Variants in ATXN7 observed in about 807,000 individuals in gnomAD.
The protein encoded by ATXN7 is ataxin 7, also known as ataxin-7.
Under a neutral mutation model 70.5 loss-of-function variants are expected in ATXN7, and 12 were observed. That is an observed-to-expected ratio of 0.17 (90% CI 0.11 to 0.28). The LOEUF is 0.28. ATXN7 is among the 10% of genes least tolerant of loss of function. The pLI is 1.00. For synonymous variants in ATXN7, 498 were observed against 448.7 expected (o/e 1.11, Z -1.39); for missense variants, 1,256 against 1,131.7 (o/e 1.11, Z -1.58).
At chr3:63,863,862 C>T (rs556758123), upstream of ATXN7, 2 of 1,207,876 alleles carry the variant, frequency 1.7e-6, no homozygotes, top group African/African-American at 1.6e-5. Context: ...GGAGGTCAAA[C>T]TCCCACAATG....
chr3:63,979,240 T>C (rs1001850354), intron 5 of ATXN7, among the ~76,000 whole-genome samples: 6 of 152,236 alleles, frequency 3.9e-5, no homozygotes, highest in African/African-American at 1.4e-4. Context: ...CTATTTGTGG[T>C]ATTTTTGTCT....
chr3:63,952,976 G>GT (rs2074981681), intron 5 of ATXN7, among the ~76,000 whole-genome samples: 1 of 149,426 alleles, frequency 6.7e-6, no homozygotes, highest in Admixed American at 6.8e-5. Flanking sequence ...CCTTTAAAGT[G>GT]TTTAAGATTC....
At chr3:63,995,355 A>G (rs891407189) in intron 11 of ATXN7, 150 bp from the exon 12 acceptor site, 4 of 790,368 alleles carry the variant, frequency 5.1e-6, no homozygotes, top group African/African-American at 3.5e-5. Context: ...AATTTGAAGG[A>G]GAGAGGTGAC....
At chr3:63,979,102 T>G (rs1396515784) in intron 5 of ATXN7, among the ~76,000 whole-genome samples, 1 of 152,238 alleles carries the variant, frequency 6.6e-6, no homozygotes, top group Middle Eastern at 3.2e-3. Flanking sequence ...CAGCTCTTGA[T>G]TTATATTAGT....
intron 1 of ATXN7, among the ~76,000 whole-genome samples, chr3:63,871,194 GATTATTTGGGTATTGT>G (rs1352962122): frequency 6.6e-6 from 1 of 152,002 alleles, no homozygotes; most frequent in African/African-American, 2.4e-5. Context: ...AACCACTAGA[GATTATTTGGGTATTGT>G]AGGATTTTTC....
intron 4 of ATXN7, among the ~76,000 whole-genome samples, chr3:63,945,244 G>T (rs907348278): frequency 6.6e-6 from 1 of 152,212 alleles, no homozygotes; most frequent in South Asian, 2.1e-4. Flanking sequence ...ATTCAGAGAG[G>T]TTAAATAATT....
intron 4 of ATXN7, among the ~76,000 whole-genome samples, chr3:63,917,177 C>T (rs951849250): frequency 1.8e-4 from 27 of 152,142 alleles, no homozygotes; most frequent in African/African-American, 5.8e-4. Flanking sequence ...ACCTCGGCCT[C>T]CCAAAGTGTT....
intron 2 of ATXN7, among the ~76,000 whole-genome samples, chr3:63,902,809 A>G (rs1703693391): frequency 6.6e-6 from 1 of 152,174 alleles, no homozygotes; most frequent in Non-Finnish European, 1.5e-5. Flanking sequence ...TGACAATCTC[A>G]CAAAAGTTTC....
chr3:63,956,767 C>T (rs1195839272), intron 5 of ATXN7, among the ~76,000 whole-genome samples: 1 of 152,152 alleles, frequency 6.6e-6, no homozygotes, highest in Non-Finnish European at 1.5e-5. Context: ...GATTGGTGCT[C>T]AGAGATTCGT....
At chr3:63,932,676 T>C (rs936658791) in intron 4 of ATXN7, among the ~76,000 whole-genome samples, 2 of 152,190 alleles carry the variant, frequency 1.3e-5, no homozygotes, top group African/African-American at 4.8e-5. Flanking sequence ...CCTGTGTAGG[T>C]ACACTTTCCT....
chr3:63,926,264 A>G (rs1438294291), intron 4 of ATXN7, among the ~76,000 whole-genome samples: 10 of 152,216 alleles, frequency 6.6e-5, no homozygotes, highest in Non-Finnish European at 1.5e-4. Flanking sequence ...TGGAGGAGAC[A>G]GGCAACAACA....
rs758571761 is a variant in ATXN7 at position 63,912,786 on chromosome 3, G to C, written c.188G>C (p.Gly63Ala). ...PPPRRTRPED[G>A]GPGAASTSAA... is the part of the protein sequence containing the mutation. ...CCACGGCGCACACGGCCGGAGGACG[G>C]CGGGCCCGGCGCCGCCTCCACCTCG... The change falls in exon 3 of 13, where the codon GGC becomes GCC. Residue 63 changes from glycine to alanine, a missense_variant. Coordinates refer to ENST00000674280, the MANE Select transcript of ATXN7 (RefSeq NM_001377405.1). 5.2e-6 allele frequency: 8 copies of C among 1,529,220 alleles called. No homozygotes were observed. In the South Asian group the frequency reaches 7.3e-5, roughly 14 times the overall value. 94.7% of individuals were successfully genotyped at this position (1,529,220 alleles called of 1,614,324 possible).
intron 5 of ATXN7, chr3:63,967,996 T>G: frequency 6.5e-7 from 1 of 1,528,092 alleles, no homozygotes; most frequent in Non-Finnish European, 8.8e-7. Context: ...TGAGGCAGTT[T>G]TCAGAGTCTG....
intron 4 of ATXN7, among the ~76,000 whole-genome samples, chr3:63,937,300 C>T (rs554883945): frequency 6.6e-6 from 1 of 152,256 alleles, no homozygotes; most frequent in East Asian, 1.9e-4. Context: ...CATTTATTAG[C>T]GCATAAAGTT....
intron 1 of ATXN7, among the ~76,000 whole-genome samples, chr3:63,895,036 C>T (rs902424995): frequency 1.3e-5 from 2 of 152,142 alleles, no homozygotes; most frequent in African/African-American, 4.8e-5. Flanking sequence ...GGACTAATTT[C>T]TCTGGCTCCT....
chr3:63,914,139 C>T (rs1039255683), intron 4 of ATXN7, among the ~76,000 whole-genome samples: 5 of 152,192 alleles, frequency 3.3e-5, no homozygotes, highest in Non-Finnish European at 2.9e-5. Flanking sequence ...TTATTTCTCA[C>T]TCGTAGCCAT....
intron 8 of ATXN7, 105 bp downstream of exon 8, chr3:63,983,126 T>G: frequency 1.1e-6 from 1 of 931,994 alleles, no homozygotes; most frequent in Non-Finnish European, 1.7e-6. Context: ...AGATGCTCTG[T>G]GGATTGTTGT....
At chr3:63,965,222 G>T (rs1057492032) in intron 5 of ATXN7, among the ~76,000 whole-genome samples, 2 of 152,082 alleles carry the variant, frequency 1.3e-5, no homozygotes, top group Admixed American at 6.5e-5. Context: ...TTTGCTGAAC[G>T]TTTAACAAGT....
intron 4 of ATXN7, among the ~76,000 whole-genome samples, chr3:63,919,208 G>A (rs1017933626): frequency 3.3e-5 from 5 of 152,300 alleles, no homozygotes; most frequent in South Asian, 4.1e-4. Context: ...TTATTGAAAC[G>A]TAGTGACGGG....
Sources: gnomAD v4.1 joint callset for allele counts (sites outside exome capture counted in the v4.1 genomes callset) on GRCh38, gnomAD v4.1.1 for gene constraint, MANE v1.5 for transcripts, NCBI Gene and HGNC (gene_info 2026-07-23, HGNC 2026-07-21) for gene names.